The following B3GALT1 variants were observed in gnomAD, a reference collection of about 807,000 sequenced individuals.
B3GALT1 encodes beta-1,3-galactosyltransferase 1.
In B3GALT1, 10 loss-of-function variants were observed where a neutral mutation model predicts 23.2. The ratio of observed to expected loss-of-function variants is 0.43; its 90% CI spans 0.27 to 0.73. The LOEUF (loss-of-function observed/expected upper bound fraction) is 0.73. B3GALT1 is among the 30% of genes least tolerant of loss of function. B3GALT1 has a pLI of 0.21. For missense variants in B3GALT1, 299 were observed against 405.4 expected, an observed-to-expected ratio of 0.74 and a Z score of 2.25; for synonymous variants, 156 against 141.5, an observed-to-expected ratio of 1.10 and a Z score of -0.73.
intron 1 of B3GALT1, among the ~76,000 whole-genome samples, chr2:167,394,291 A>G (rs1023661487): frequency 6.6e-5 from 10 of 152,222 alleles, no homozygotes; most frequent in Non-Finnish European, 7.3e-5. Flanking sequence ...TTCTATATCT[A>G]TACAGAAGAG....
intron 3 of B3GALT1, among the ~76,000 whole-genome samples, chr2:167,764,139 C>G (rs756943230): frequency 1.3e-5 from 2 of 152,140 alleles, no homozygotes; most frequent in Non-Finnish European, 2.9e-5. Context: ...TTTAAGAGCT[C>G]CAAATAGCAC....
At chr2:167,439,558 TTTA>T (rs1190155936) in intron 1 of B3GALT1, among the ~76,000 whole-genome samples, 3 of 151,766 alleles carry the variant, frequency 2.0e-5, no homozygotes, top group Non-Finnish European at 2.9e-5. Flanking sequence ...TTTATTTTAT[TTTA>T]TTATTATTAT....
rs561428357 is a variant in B3GALT1, at chr2:167,399,264, CAT to C, written c.-510-90912_-510-90911del. ...CTCCGACTAGAAAACATCTTCAAAA[CAT>C]GTGTCAAGTTTCCCTTAGAATGCAT... On this transcript the variant is annotated intron_variant, in intron 1 of 4. Coordinates refer to ENST00000392690, the MANE Select transcript of B3GALT1 (RefSeq NM_020981.4). Among the ~76,000 whole-genome samples the C allele has an allele frequency of 7.8e-3, 1,187 of 152,222 alleles. 8 individuals are homozygous for C. The highest frequency in any genetic ancestry group is 0.013 in the Non-Finnish European group (868 of 67,980).
intron 2 of B3GALT1, among the ~76,000 whole-genome samples, chr2:167,527,284 T>C (rs1683238883): frequency 6.6e-6 from 1 of 152,156 alleles, no homozygotes; most frequent in Non-Finnish European, 1.5e-5. Context: ...ACTCTCTCAA[T>C]ATTATGAACT....
chr2:167,475,532 A>C (rs1699474091), intron 1 of B3GALT1, among the ~76,000 whole-genome samples: 1 of 152,108 alleles, frequency 6.6e-6, no homozygotes, highest in African/African-American at 2.4e-5. Context: ...ATTGTGAAGA[A>C]GGAAAAAGAA....
intron 1 of B3GALT1, among the ~76,000 whole-genome samples, chr2:167,413,184 CAAG>C (rs932408931): frequency 1.6e-4 from 24 of 151,766 alleles, no homozygotes; most frequent in African/African-American, 5.8e-4. Context: ...ATAAAGCTGA[CAAG>C]GAGAGAGATG....
intron 3 of B3GALT1, among the ~76,000 whole-genome samples, chr2:167,657,375 C>G (rs1237848411): frequency 1.3e-5 from 2 of 152,004 alleles, no homozygotes; most frequent in Non-Finnish European, 2.9e-5. Flanking sequence ...AGGGTCACTA[C>G]CATTCAAGGG....
intron 3 of B3GALT1, among the ~76,000 whole-genome samples, chr2:167,783,157 T>G (rs1465584166): frequency 6.6e-6 from 1 of 151,582 alleles, no homozygotes; most frequent in African/African-American, 2.4e-5. Flanking sequence ...AAGTGAAGTC[T>G]GAAAGAAAAA....
intron 3 of B3GALT1, among the ~76,000 whole-genome samples, chr2:167,724,864 A>G (rs771329771): frequency 4.6e-5 from 7 of 152,146 alleles, no homozygotes; most frequent in Non-Finnish European, 8.8e-5. Context: ...GGACCTCCTC[A>G]AATAGTATCA....
intron 1 of B3GALT1, among the ~76,000 whole-genome samples, chr2:167,455,959 C>G (rs1027323067): frequency 1.3e-5 from 2 of 152,106 alleles, no homozygotes; most frequent in African/African-American, 4.8e-5. Context: ...GGCAAAGAGA[C>G]CTACAGAACA....
At chr2:167,626,495 G>A (rs906660037) in intron 2 of B3GALT1, among the ~76,000 whole-genome samples, 10 of 151,704 alleles carry the variant, frequency 6.6e-5, no homozygotes, top group Admixed American at 3.3e-4. Flanking sequence ...TTTTGAGGCT[G>A]AAAATGTTGC....
chr2:167,665,266 T>G (rs1320162855), intron 3 of B3GALT1, among the ~76,000 whole-genome samples: 8 of 139,730 alleles, frequency 5.7e-5, no homozygotes, highest in Middle Eastern at 3.5e-3. Context: ...GGATTACATT[T>G]ATTGATTTGC....
At chr2:167,455,727 G>A (rs2105322626) in intron 1 of B3GALT1, among the ~76,000 whole-genome samples, 1 of 152,162 alleles carries the variant, frequency 6.6e-6, no homozygotes, top group Admixed American at 6.5e-5. Context: ...TGGACACACT[G>A]GTGTCCAACT....
At chr2:167,776,751 G>A (rs1056736113) in intron 3 of B3GALT1, among the ~76,000 whole-genome samples, 6 of 152,182 alleles carry the variant, frequency 3.9e-5, no homozygotes, top group Admixed American at 3.3e-4. Context: ...TTAAACATCT[G>A]AGGAACTACA....
intron 1 of B3GALT1, among the ~76,000 whole-genome samples, chr2:167,467,789 C>T (rs971662398): frequency 6.6e-6 from 1 of 152,122 alleles, no homozygotes; most frequent in Non-Finnish European, 1.5e-5. Flanking sequence ...TAGATACAAC[C>T]TAGAGTACAT....
chr2:167,427,403 A>G (rs1698639461), intron 1 of B3GALT1, among the ~76,000 whole-genome samples: 1 of 152,222 alleles, frequency 6.6e-6, no homozygotes, highest in Non-Finnish European at 1.5e-5. Context: ...GTTAATATTT[A>G]TAAAAGGTTC....
At chr2:167,299,688 G>T (rs868858214) in intron 1 of B3GALT1, among the ~76,000 whole-genome samples, 1 of 151,864 alleles carries the variant, frequency 6.6e-6, no homozygotes, top group Admixed American at 6.6e-5. Flanking sequence ...TTTATGCAAA[G>T]AAATAAAAGA....
chr2:167,516,783 A>G (rs1170699294), intron 2 of B3GALT1, among the ~76,000 whole-genome samples: 3 of 151,944 alleles, frequency 2.0e-5, no homozygotes, highest in Non-Finnish European at 4.4e-5. Context: ...ACCAGTACAA[A>G]CACATGTAAT....
chr2:167,500,842 A>C (rs2105348008), intron 2 of B3GALT1, among the ~76,000 whole-genome samples: 1 of 152,286 alleles, frequency 6.6e-6, no homozygotes, highest in Non-Finnish European at 1.5e-5. Flanking sequence ...AATGGGAAGA[A>C]GTTGGTGCCA....
Sources: gnomAD v4.1 joint callset for allele counts (sites outside exome capture counted in the v4.1 genomes callset) on GRCh38, gnomAD v4.1.1 for gene constraint, MANE v1.5 for transcripts, NCBI Gene and HGNC (gene_info 2026-07-23, HGNC 2026-07-21) for gene names.